ADAM9: variants seen among roughly 807,000 people sequenced by gnomAD.
The protein encoded by ADAM9 is ADAM metallopeptidase domain 9.
Under a neutral mutation model 108.1 loss-of-function variants are expected in ADAM9, and 54 were observed. The observed-to-expected ratio is 0.50, with a 90% CI of 0.40 to 0.63. The LOEUF is 0.63. ADAM9 is among the 20% of genes least tolerant of loss of function. The probability of loss-of-function intolerance (pLI) is 0.00; values close to 1 mark genes in which losing one functional copy is unlikely to be tolerated. For synonymous variants in ADAM9, 316 were observed against 336.0 expected, an observed-to-expected ratio of 0.94 and a Z score of 0.65; for missense variants, 830 against 997.7, an observed-to-expected ratio of 0.83 and a Z score of 2.26.
intron 11 of ADAM9, among the ~76,000 whole-genome samples, chr8:39,032,494 T>C (rs917792131): frequency 6.6e-6 from 1 of 152,258 alleles, no homozygotes; most frequent in African/African-American, 2.4e-5. Context: ...GGATGTAATC[T>C]CCTGGTGTGC....
At chr8:39,049,355 C>CT (rs1837877547) in intron 12 of ADAM9, among the ~76,000 whole-genome samples, 1 of 151,776 alleles carries the variant, frequency 6.6e-6, no homozygotes, top group South Asian at 2.1e-4. Context: ...AAACTCTTCA[C>CT]TTTAAGTTCT....
chr8:39,104,606 A>T lies in ADAM9; in HGVS notation c.*906A>T. 1 of 426,482 alleles carries T rather than the reference A, an allele frequency of 2.3e-6. No individual in the cohort carries two copies. 26.4% of individuals were successfully genotyped at this position (426,482 alleles called of 1,614,324 possible). A position where few individuals can be genotyped will look rare whatever the true frequency, so the allele number is the denominator to read the frequency against. ...CACTTGAGAATTTCATGAGCACTTTAAAATCTGAACTTTCAAAGCTTGCTA... is the reference window on the plus strand; with the variant it reads ...CACTTGAGAATTTCATGAGCACTTTTAAATCTGAACTTTCAAAGCTTGCTA... On this transcript the variant is annotated 3_prime_UTR_variant, in exon 22 of 22. Coordinates refer to ENST00000487273, the MANE Select transcript of ADAM9 (RefSeq NM_003816.3).
At position 39,105,077 on chromosome 8, in the gene ADAM9, A is replaced by G. The variant is rs966363978; in HGVS notation, c.*1377A>G. The G allele has an allele frequency of 1.2e-4, 47 of 404,318 alleles. 1 individual carries two copies. The highest frequency in any genetic ancestry group is 2.0e-4 in the Non-Finnish European group (43 of 211,574). The allele number at this position is 404,318 out of a possible 1,614,324, so 25.0% of individuals were successfully genotyped here. Reference sequence around the variant, plus strand: ...TAAAAAGTTATAATTTTAGATAAAAATTCTAGTCAAATTTTTACAGATATT... The same window carrying G: ...TAAAAAGTTATAATTTTAGATAAAAGTTCTAGTCAAATTTTTACAGATATT... On this transcript the variant is annotated 3_prime_UTR_variant, in exon 22 of 22. Coordinates refer to ENST00000487273, the MANE Select transcript of ADAM9 (RefSeq NM_003816.3).
intron 14 of ADAM9, among the ~76,000 whole-genome samples, chr8:39,065,628 C>A (rs532656415): frequency 1.5e-5 from 2 of 129,160 alleles, no homozygotes; most frequent in African/African-American, 6.1e-5. Flanking sequence ...CCATTGCACT[C>A]GAGTCTGGGC....
intron 11 of ADAM9, among the ~76,000 whole-genome samples, chr8:39,031,947 T>A (rs943626838): frequency 1.3e-5 from 2 of 152,214 alleles, no homozygotes; most frequent in African/African-American, 4.8e-5. Flanking sequence ...GGAGGTCCAC[T>A]CCAGACCCTT....
intron 20 of ADAM9, among the ~76,000 whole-genome samples, chr8:39,093,688 A>G (rs2129443306): frequency 6.6e-6 from 1 of 152,296 alleles, no homozygotes; most frequent in East Asian, 1.9e-4. Flanking sequence ...AAAAGCTTTC[A>G]GTTTTTCATT....
chr8:39,045,344 A>ATG lies in ADAM9; in HGVS notation c.1302+3233_1302+3234dup, dbSNP rs1390598733. Among the ~76,000 whole-genome samples, 338 of 122,792 alleles carry ATG rather than the reference A, an allele frequency of 2.8e-3. 16 individuals carry two copies. Among genetic ancestry groups the ATG allele is most frequent in the Non-Finnish European group, 3.6e-3 (205 of 57,416 alleles). The allele number at this position is 122,792 out of a possible 152,430, so 80.6% of individuals were successfully genotyped here. A position where few individuals can be genotyped will look rare whatever the true frequency, so the allele number is the denominator to read the frequency against. On this transcript the variant is annotated intron_variant, in intron 12 of 21. Coordinates refer to ENST00000487273, the MANE Select transcript of ADAM9 (RefSeq NM_003816.3). ...TATACATGTGTGTGTACACCTATACATGTGTGTACATACATATAGGTGTGT... is the reference window on the plus strand; with the variant it reads ...TATACATGTGTGTGTACACCTATACATGTGTGTGTACATACATATAGGTGTGT...
rs561272937 is a variant in ADAM9 at position 39,072,793 on chromosome 8, G to A, written c.1697+1390G>A. On this transcript the variant is annotated intron_variant, in intron 15 of 21. Coordinates refer to ENST00000487273, the MANE Select transcript of ADAM9 (RefSeq NM_003816.3). Reference sequence around the variant, plus strand: ...CCCTCTGACAGGTGTTCTTGATGCTGTTTGCTTCTTTTTCATAGAATTTGA... The same window carrying A: ...CCCTCTGACAGGTGTTCTTGATGCTATTTGCTTCTTTTTCATAGAATTTGA... Among the ~76,000 whole-genome samples, 16 of 152,276 alleles carry A rather than the reference G, an allele frequency of 1.1e-4. 1 individual carries two copies. The South Asian group carries it at 3.1e-3, about 30-fold the overall frequency.
chr8:39,081,157 C>T (rs1359720616), intron 16 of ADAM9, among the ~76,000 whole-genome samples: 2 of 151,974 alleles, frequency 1.3e-5, no homozygotes, highest in Non-Finnish European at 2.9e-5. Context: ...CCATGTTGGC[C>T]AGGCTGGTCT....
intron 12 of ADAM9, among the ~76,000 whole-genome samples, chr8:39,051,253 T>C (rs1837949240): frequency 1.3e-5 from 2 of 152,202 alleles, no homozygotes; most frequent in Admixed American, 1.3e-4. Flanking sequence ...CTCAGGGAGA[T>C]GCTGAGAGCT....
chr8:39,036,573 G>A (rs1837282473), intron 11 of ADAM9, among the ~76,000 whole-genome samples: 1 of 152,128 alleles, frequency 6.6e-6, no homozygotes, highest in Non-Finnish European at 1.5e-5. Context: ...AAAGAGAGGA[G>A]GAGAGGCTAT....
chr8:39,045,025 T>C (rs867699458), intron 12 of ADAM9, among the ~76,000 whole-genome samples: 5 of 131,046 alleles, frequency 3.8e-5, no homozygotes, highest in African/African-American at 1.6e-4. Context: ...TGTATGTGTG[T>C]GTGCATACAT....
At chr8:39,022,028 G>C (rs1482497194) in intron 8 of ADAM9, among the ~76,000 whole-genome samples, 1 of 150,844 alleles carries the variant, frequency 6.6e-6, no homozygotes, top group African/African-American at 2.4e-5. Flanking sequence ...TTTGAATAAG[G>C]CTGCCTTCTA....
intron 3 of ADAM9, among the ~76,000 whole-genome samples, chr8:39,012,281 G>T (rs1261618737): frequency 6.6e-6 from 1 of 152,182 alleles, no homozygotes; most frequent in Admixed American, 6.5e-5. Context: ...TGCTGATCAT[G>T]TAGCTAAAGT....
intron 1 of ADAM9, among the ~76,000 whole-genome samples, chr8:39,002,341 CAG>C (rs980940255): frequency 9.8e-6 from 1 of 102,032 alleles, no homozygotes; most frequent in African/African-American, 3.7e-5. Flanking sequence ...TTTTTTGAGA[CAG>C]AGTCTCACTC....
rs1836218631 is a variant in ADAM9 at position 39,007,980 on chromosome 8, A to G, written c.192A>G (p.Lys64=). Residue 64 remains lysine (K), a synonymous_variant, in exon 2 of 22, where the codon AAA becomes AAG. Coordinates refer to ENST00000487273, the MANE Select transcript of ADAM9 (RefSeq NM_003816.3). ...ERREAPRPYS[K]QVSYVIQAEG... is the part of the protein sequence containing the mutation. The stretch of plus-strand genomic sequence containing the variant: ...GAGAAGCCCCTAGGCCCTATTCAAA[A>G]CAAGTAAGTTATAATTGTTGAGAAA... 1 of 1,589,590 alleles carries G rather than the reference A, an allele frequency of 6.3e-7. No homozygotes were observed. Among genetic ancestry groups the G allele is most frequent in the Non-Finnish European group, 8.6e-7 (1 of 1,159,464 alleles).
chr8:39,005,846 A>G (rs764474678), intron 1 of ADAM9, among the ~76,000 whole-genome samples: 5 of 152,226 alleles, frequency 3.3e-5, no homozygotes, highest in Non-Finnish European at 7.3e-5. Context: ...GTTTGAAATA[A>G]TTGCAGTAAG....
intron 20 of ADAM9, among the ~76,000 whole-genome samples, chr8:39,099,636 C>T (rs947988816): frequency 6.6e-6 from 1 of 152,014 alleles, no homozygotes; most frequent in Non-Finnish European, 1.5e-5. Context: ...AAGTATATGT[C>T]AGATAAATGC....
In ADAM9 at chr8:39,104,330, G is replaced by A. The variant is rs753901575; in HGVS notation, c.*630G>A. ...ACTAAAAGAGTGTGTGTGTATTCAC[G>A]CAGTTACTCGCTTCCATTTTTATGA... On this transcript the variant is annotated 3_prime_UTR_variant, in exon 22 of 22. Coordinates refer to ENST00000487273, the MANE Select transcript of ADAM9 (RefSeq NM_003816.3). 12 of 451,580 alleles carry A rather than the reference G, an allele frequency of 2.7e-5. No individual in the cohort carries two copies. The highest frequency in any genetic ancestry group is 4.7e-5 in the Admixed American group (2 of 42,506). The allele number at this position is 451,580 out of a possible 1,614,324, so 28.0% of individuals were successfully genotyped here.
Sources: gnomAD v4.1 joint callset for allele counts (sites outside exome capture counted in the v4.1 genomes callset) on GRCh38, gnomAD v4.1.1 for gene constraint, MANE v1.5 for transcripts, NCBI Gene and HGNC (gene_info 2026-07-23, HGNC 2026-07-21) for gene names.